ROBO2: variants seen among roughly 807,000 people sequenced by gnomAD.
ROBO2 encodes the protein roundabout homolog 2.
ROBO2 carries 53 observed loss-of-function variants against 160.8 expected under a neutral mutation model. That is an observed-to-expected ratio of 0.33 (90% CI 0.26 to 0.41). The LOEUF (loss-of-function observed/expected upper bound fraction) is 0.41, where lower values mean the gene tolerates loss of function less well. ROBO2 is among the 10% of genes least tolerant of loss of function. ROBO2 has a pLI of 1.00. For synonymous variants in ROBO2, 664 were observed against 611.7 expected, an observed-to-expected ratio of 1.09 and a Z score of -1.26; for missense variants, 1,577 against 1,722.4, an observed-to-expected ratio of 0.92 and a Z score of 1.49.
At chr3:77,574,408 C>T in intron 13 of ROBO2, 91 bp from the exon 15 acceptor site, 1 of 1,084,368 alleles carries the variant, frequency 9.2e-7, no homozygotes, top group South Asian at 1.3e-5. Flanking sequence ...GTTATGAGGA[C>T]AGAAATGGGA....
chr3:76,233,248 G>A (rs1031995200), intron 2 of ROBO2, among the ~76,000 whole-genome samples: 1 of 152,054 alleles, frequency 6.6e-6, no homozygotes. Context: ...AGGTTCAAGC[G>A]ATTCTCCTGC....
chr3:76,350,176 G>C lies in ROBO2; in HGVS notation c.109+412574G>C, dbSNP rs373660710. 1.1e-4 allele frequency among the ~76,000 whole-genome samples: 16 copies of C among 152,024 alleles called. No homozygotes were observed. In the East Asian group the frequency reaches 2.9e-3, roughly 28 times the overall value. ...ATGTTAGAATTAGTGACACACTTGGGAATGAATTTAGGATTTAAACTTTTC... is the reference window on the plus strand; with the variant it reads ...ATGTTAGAATTAGTGACACACTTGGCAATGAATTTAGGATTTAAACTTTTC... On this transcript the variant is annotated intron_variant, in intron 2 of 26. Transcript: ENST00000487694.
intron 2 of ROBO2, among the ~76,000 whole-genome samples, chr3:77,154,251 C>T (rs373226994): frequency 9.9e-5 from 15 of 151,798 alleles, no homozygotes; most frequent in East Asian, 1.9e-4. Context: ...TTTCTTAGTA[C>T]GAAACTGTTA....
At chr3:77,006,046 C>CT (rs35772031) in intron 2 of ROBO2, among the ~76,000 whole-genome samples, 37 of 151,140 alleles carry the variant, frequency 2.4e-4, no homozygotes, top group Non-Finnish European at 4.1e-4. Context: ...TGCTTATAGA[C>CT]TTTTTTTTTC....
chr3:76,762,403 T>C (rs572702707), intron 2 of ROBO2, among the ~76,000 whole-genome samples: 29 of 151,360 alleles, frequency 1.9e-4, no homozygotes, highest in African/African-American at 7.0e-4. Flanking sequence ...AATAATATGT[T>C]CTTTAATTGC....
chr3:76,620,049 C>T (rs551665069), intron 2 of ROBO2, among the ~76,000 whole-genome samples: 5 of 152,130 alleles, frequency 3.3e-5, no homozygotes, highest in Middle Eastern at 3.4e-3. Flanking sequence ...TATTTTTGTA[C>T]CAGTAGATAC....
intron 9 of ROBO2, among the ~76,000 whole-genome samples, chr3:77,562,183 T>C (rs1189283987): frequency 6.6e-6 from 1 of 152,170 alleles, no homozygotes; most frequent in Admixed American, 6.6e-5. Context: ...CCTTATTGTC[T>C]TATTGCTTAT....
At chr3:77,358,091 G>A (rs985530241) in intron 2 of ROBO2, among the ~76,000 whole-genome samples, 3 of 152,178 alleles carry the variant, frequency 2.0e-5, no homozygotes, top group African/African-American at 7.2e-5. Flanking sequence ...TACAACCTGG[G>A]TATTTGGTTA....
chr3:76,691,233 G>A (rs2092795147), intron 2 of ROBO2, among the ~76,000 whole-genome samples: 2 of 151,974 alleles, frequency 1.3e-5, no homozygotes, highest in African/African-American at 4.8e-5. Context: ...TCTCTGTTTT[G>A]TAAGTGCTCA....
At chr3:76,685,031 C>A (rs992046793) in intron 2 of ROBO2, among the ~76,000 whole-genome samples, 1 of 151,780 alleles carries the variant, frequency 6.6e-6, no homozygotes, top group Admixed American at 6.6e-5. Flanking sequence ...TCCCCCACCC[C>A]CAGAAGGAAA....
intron 2 of ROBO2, among the ~76,000 whole-genome samples, chr3:77,454,156 C>T (rs2081386539): frequency 6.7e-6 from 1 of 150,074 alleles, no homozygotes; most frequent in Non-Finnish European, 1.5e-5. Flanking sequence ...GTTTATGGTA[C>T]AAATATTTGC....
intron 2 of ROBO2, among the ~76,000 whole-genome samples, chr3:76,714,173 A>G (rs1255854339): frequency 6.6e-6 from 1 of 152,088 alleles, no homozygotes; most frequent in Non-Finnish European, 1.5e-5. Flanking sequence ...TAGGAGGAAA[A>G]TTTTGCCCAT....
chr3:75,955,033 A>G (rs1948675274), intron 2 of ROBO2, among the ~76,000 whole-genome samples: 1 of 151,826 alleles, frequency 6.6e-6, no homozygotes, highest in African/African-American at 2.4e-5. Context: ...CTGGGTGGAA[A>G]GTTATTAGAA....
At chr3:77,593,651 T>C (rs531401847) in intron 17 of ROBO2, among the ~76,000 whole-genome samples, 1 of 152,284 alleles carries the variant, frequency 6.6e-6, no homozygotes, top group Admixed American at 6.5e-5. Context: ...TACCTGATTA[T>C]GATAGCATGA....
At chr3:76,609,317 A>G (rs1250159721) in intron 2 of ROBO2, among the ~76,000 whole-genome samples, 1 of 151,878 alleles carries the variant, frequency 6.6e-6, no homozygotes, top group South Asian at 2.1e-4. Context: ...TTGTTTTTTT[A>G]CTTAGGACAG....
At chr3:76,295,602 C>G (rs151044015) in intron 2 of ROBO2, among the ~76,000 whole-genome samples, 1 of 152,074 alleles carries the variant, frequency 6.6e-6, no homozygotes, top group African/African-American at 2.4e-5. Context: ...ACTGTACACA[C>G]TATTATGTTA....
At chr3:77,031,628 A>G (rs1408728531) in intron 2 of ROBO2, among the ~76,000 whole-genome samples, 2 of 146,390 alleles carry the variant, frequency 1.4e-5, no homozygotes, top group South Asian at 2.1e-4. Flanking sequence ...TAAATTAATT[A>G]TATATTAATT....
At chr3:77,481,310 G>A in intron 4 of ROBO2, 91 bp downstream of exon 4, 4 of 1,046,224 alleles carry the variant, frequency 3.8e-6, no homozygotes, top group South Asian at 2.8e-5. Flanking sequence ...GGCCATATAA[G>A]GACAGTTACT....
intron 2 of ROBO2, among the ~76,000 whole-genome samples, chr3:75,946,015 C>T (rs9850868): frequency 0.013 from 2,034 of 152,082 alleles, 41 homozygotes; most frequent in African/African-American, 0.047. Flanking sequence ...TAGGACTTAC[C>T]GGAAATGTTT....
Sources: allele counts gnomAD v4.1 joint callset (sites outside exome capture counted in the v4.1 genomes callset), GRCh38; gene constraint gnomAD v4.1.1; transcripts MANE v1.5; gene names NCBI Gene and HGNC (gene_info 2026-07-23, HGNC 2026-07-21).